CPLX1: variants seen among roughly 807,000 people sequenced by gnomAD.
The protein encoded by CPLX1 is complexin 1.
Under a neutral mutation model 15.6 loss-of-function variants are expected in CPLX1, and 6 were observed. The ratio of observed to expected loss-of-function variants is 0.39; its 90% CI spans 0.21 to 0.76. CPLX1 has a LOEUF of 0.76. Among genes scored for constraint, CPLX1 ranks in the 30% least tolerant of loss-of-function variants. The pLI is 0.43. For missense variants in CPLX1, 242 were observed against 188.6 expected (o/e 1.28, Z -1.66); for synonymous variants, 91 against 75.2 (o/e 1.21, Z -1.08).
At chr4:798,760 T>TA (rs1023409541) in intron 2 of CPLX1, among the ~76,000 whole-genome samples, 12 of 152,334 alleles carry the variant, frequency 7.9e-5, no homozygotes, top group African/African-American at 2.2e-4. Context: ...AACACATATG[T>TA]AAATGTTTTC....
chr4:794,575 C>T (rs1038758804), intron 2 of CPLX1, among the ~76,000 whole-genome samples: 2 of 152,186 alleles, frequency 1.3e-5, no homozygotes, highest in African/African-American at 4.8e-5. Context: ...ATCTCTCTGC[C>T]TCCAGCGGGC....
intron 3 of CPLX1, chr4:787,962 G>T: frequency 1.0e-6 from 1 of 985,436 alleles, no homozygotes; most frequent in Non-Finnish European, 1.2e-6. Context: ...CCCCGGGCCA[G>T]GTCCAAGGTC....
intron 2 of CPLX1, among the ~76,000 whole-genome samples, chr4:824,152 C>T (rs766881588): frequency 6.6e-6 from 1 of 152,242 alleles, no homozygotes; most frequent in Admixed American, 6.5e-5. Context: ...TTAGAATTGG[C>T]CCTGTAAAGC....
rs767957006 is a variant in CPLX1 at position 792,553 on chromosome 4, G to A, written c.87C>T (p.Asp29=). Residue 29 remains aspartate, a synonymous_variant, in exon 3 of 4, where the codon GAC becomes GAT. Transcript: ENST00000304062. Reference sequence around the variant, plus strand: ...GCCGCTCCTCCTCCTTCTTGGCGGCGTCTGGGTCCTTCTCCTCGTCACCCC... The same window carrying A: ...GCCGCTCCTCCTCCTTCTTGGCGGCATCTGGGTCCTTCTCCTCGTCACCCC... ...MLGGDEEKDP[D]AAKKEEERQE... is the part of the protein sequence containing the mutation. The A allele has an allele frequency of 3.7e-6, 6 of 1,613,118 alleles. No individual in the cohort carries two copies. In the African/African-American group the frequency reaches 5.3e-5, roughly 14 times the overall value.
At chr4:825,102 G>GC (rs1376448659) in intron 1 of CPLX1, among the ~76,000 whole-genome samples, 1 of 152,148 alleles carries the variant, frequency 6.6e-6, no homozygotes, top group Admixed American at 6.5e-5. Flanking sequence ...CAGTCAGTGT[G>GC]CCCCCCACAT....
rs1745955398 is a variant in CPLX1 at position 785,529 on chromosome 4, A to T, written c.*972T>A. 1 of 152,592 alleles carries T rather than the reference A, an allele frequency of 6.6e-6. No individual in the cohort carries two copies. Among genetic ancestry groups the T allele is most frequent in the Non-Finnish European group, 1.5e-5 (1 of 68,052 alleles). 9.5% of individuals were successfully genotyped at this position (152,592 alleles called of 1,614,324 possible). On this transcript the variant is annotated 3_prime_UTR_variant, in exon 4 of 4. Coordinates refer to ENST00000304062, the MANE Select transcript of CPLX1 (RefSeq NM_006651.4). ...GATTCAACAAATTGTGATGCAAATTAAACATGAATGGAGGAGAAACAGGGG... is the reference window on the plus strand; with the variant it reads ...GATTCAACAAATTGTGATGCAAATTTAACATGAATGGAGGAGAAACAGGGG...
chr4:817,982 G>A lies in CPLX1; in HGVS notation c.31+6510C>T, dbSNP rs571229011. Among the ~76,000 whole-genome samples, 12 of 152,354 alleles carry A rather than the reference G, an allele frequency of 7.9e-5. No individual in the cohort carries two copies. In the East Asian group the frequency reaches 1.7e-3, roughly 22 times the overall value. ...GGACACTGGAGGCGCCACCGCCCTC[G>A]GGGGTGGCTCACTGTCCACCTGTCA... On this transcript the variant is annotated intron_variant, in intron 2 of 3. Transcript: ENST00000304062.
chr4:804,363 T>C (rs1280536502), intron 2 of CPLX1, among the ~76,000 whole-genome samples: 3 of 152,182 alleles, frequency 2.0e-5, no homozygotes, highest in African/African-American at 4.8e-5. Context: ...TCCGAATTAA[T>C]AGTTTTCCCC....
intron 3 of CPLX1, chr4:787,940 C>T (rs1415341339): frequency 6.1e-6 from 6 of 985,252 alleles, no homozygotes; most frequent in African/African-American, 1.7e-5. Context: ...ACTTCCATCC[C>T]CTGAACAGGA....
At chr4:792,302 G>T in intron 3 of CPLX1, 131 bp downstream of exon 3, 27 of 647,754 alleles carry the variant, frequency 4.2e-5, no homozygotes, top group Non-Finnish European at 5.2e-5. Flanking sequence ...CCACTCTGAA[G>T]CCCCCAAAGG....
intron 2 of CPLX1, among the ~76,000 whole-genome samples, chr4:824,070 A>G (rs1746925023): frequency 1.3e-5 from 2 of 152,156 alleles, no homozygotes; most frequent in African/African-American, 4.8e-5. Context: ...TGCCACCTGC[A>G]TCCTGCTCTC....
In CPLX1 at chr4:789,406, G is replaced by A. The variant is rs11734005; in HGVS notation, c.208-2708C>T. ...ACGGTATTCGTGAGAAAAAAGGGCA[G>A]TGGGTGCTAATCAATGCTGAGAACC... On this transcript the variant is annotated intron_variant, in intron 3 of 3. Coordinates refer to ENST00000304062, the MANE Select transcript of CPLX1 (RefSeq NM_006651.4). Among the ~76,000 whole-genome samples the A allele has an allele frequency of 2.1e-3, 325 of 152,286 alleles. 1 individual carries two copies. The highest frequency in any genetic ancestry group is 7.6e-3 in the African/African-American group (317 of 41,568).
At chr4:792,339 C>T (rs909997470) in intron 3 of CPLX1, 94 bp downstream of exon 3, 26 of 1,228,362 alleles carry the variant, frequency 2.1e-5, no homozygotes, top group African/African-American at 1.1e-4. Flanking sequence ...GACGCCCGCC[C>T]CTCTTCCGGG....
chr4:790,433 G>C (rs1040543096), intron 3 of CPLX1, among the ~76,000 whole-genome samples: 1 of 152,154 alleles, frequency 6.6e-6, no homozygotes, highest in African/African-American at 2.4e-5. Context: ...AGCTGAGGAG[G>C]TGCTTACGCT....
intron 2 of CPLX1, among the ~76,000 whole-genome samples, chr4:802,950 CAAA>C (rs34752621): frequency 7.1e-5 from 7 of 99,010 alleles, no homozygotes; most frequent in Non-Finnish European, 9.2e-5. Context: ...GACTCTGTCT[CAAA>C]AAAAAAAAAA....
At chr4:797,812 A>G (rs552462119) in intron 2 of CPLX1, among the ~76,000 whole-genome samples, 2 of 152,206 alleles carry the variant, frequency 1.3e-5, no homozygotes, top group African/African-American at 4.8e-5. Flanking sequence ...GGGCGCCTGT[A>G]GTCCCAGCTA....
chr4:816,213 A>ATTTTT (rs34183163), intron 2 of CPLX1, among the ~76,000 whole-genome samples: 7 of 115,042 alleles, frequency 6.1e-5, no homozygotes, highest in African/African-American at 1.4e-4. Context: ...TCTCCGTGAA[A>ATTTTT]TTTTTTTTTT....
intron 2 of CPLX1, among the ~76,000 whole-genome samples, chr4:810,662 T>C (rs1446924940): frequency 6.6e-6 from 1 of 152,140 alleles, no homozygotes. Context: ...TGGGGGAATA[T>C]CTATTCAAAT....
chr4:816,746 C>T (rs968590820), intron 2 of CPLX1, among the ~76,000 whole-genome samples: 1 of 152,040 alleles, frequency 6.6e-6, no homozygotes, highest in African/African-American at 2.4e-5. Flanking sequence ...CACTTGAGCC[C>T]GGGATGTTGA....
Sources: allele counts gnomAD v4.1 joint callset (sites outside exome capture counted in the v4.1 genomes callset), GRCh38; gene constraint gnomAD v4.1.1; transcripts MANE v1.5; gene names NCBI Gene and HGNC (gene_info 2026-07-23, HGNC 2026-07-21).